Variants in ABHD12 observed in about 807,000 individuals in gnomAD.
ABHD12 encodes lysophosphatidylserine lipase ABHD12.
ABHD12 carries 43 observed loss-of-function variants against 58.3 expected under a neutral mutation model. That is an observed-to-expected ratio of 0.74 (90% CI 0.58 to 0.95). ABHD12 has a LOEUF of 0.95. Among genes scored for constraint, ABHD12 ranks in the 40% least tolerant of loss-of-function variants. ABHD12 has a pLI of 0.00. For synonymous variants in ABHD12, 219 were observed against 211.2 expected, an observed-to-expected ratio of 1.04 and a Z score of -0.32; for missense variants, 539 against 537.2, an observed-to-expected ratio of 1.00 and a Z score of -0.03.
intron 2 of ABHD12, among the ~76,000 whole-genome samples, chr20:25,327,442 G>A (rs1484610013): frequency 6.6e-6 from 1 of 151,350 alleles, no homozygotes; most frequent in Non-Finnish European, 1.5e-5. Context: ...ACTTCAGTCC[G>A]GGCGACAGAA....
At chr20:25,362,008 C>T (rs142305787) in intron 1 of ABHD12, among the ~76,000 whole-genome samples, 2,120 of 152,172 alleles carry the variant, frequency 0.014, 14 homozygotes, top group Middle Eastern at 0.02. Flanking sequence ...GGCACGGTGG[C>T]TCATGCCTGT....
chr20:25,331,872 C>T lies in ABHD12; in HGVS notation c.316+7355G>A, dbSNP rs111528792. On this transcript the variant is annotated intron_variant, in intron 2 of 12. Coordinates refer to ENST00000339157, the MANE Select transcript of ABHD12 (RefSeq NM_001042472.3). The stretch of plus-strand genomic sequence containing the variant: ...AATCATGCCAAAATGTAAAGACCAT[C>T]GAGACTAGGAAGAAACTGCATCAAC... Among the ~76,000 whole-genome samples, 5 of 152,076 alleles carry T rather than the reference C, an allele frequency of 3.3e-5. No homozygotes were observed. The South Asian group carries it at 6.3e-4, about 19-fold the overall frequency.
intron 1 of ABHD12, among the ~76,000 whole-genome samples, chr20:25,358,003 C>T (rs924109604): frequency 6.6e-6 from 1 of 151,912 alleles, no homozygotes; most frequent in African/African-American, 2.4e-5. Context: ...AGAGTGAGAC[C>T]CTGTCTCAAA....
At chr20:25,375,352 T>C (rs1341278652) in intron 1 of ABHD12, among the ~76,000 whole-genome samples, 1 of 152,250 alleles carries the variant, frequency 6.6e-6, no homozygotes, top group East Asian at 1.9e-4. Context: ...GTTCTACCAG[T>C]AAATTATAAT....
At chr20:25,353,887 CTGCTGCGTGATCACTAACG>C (rs2089634445) in intron 1 of ABHD12, among the ~76,000 whole-genome samples, 1 of 152,174 alleles carries the variant, frequency 6.6e-6, no homozygotes, top group African/African-American at 2.4e-5. Context: ...CAAAGAATGA[CTGCTGCGTGATCACTAACG>C]TGCCACCACC....
intron 2 of ABHD12, among the ~76,000 whole-genome samples, chr20:25,324,365 A>AT (rs1334429004): frequency 6.6e-5 from 10 of 152,262 alleles, no homozygotes; most frequent in Admixed American, 3.3e-4. Flanking sequence ...AATGGGGGCA[A>AT]TTTTTTCCTT....
chr20:25,384,257 T>C (rs2090059685), intron 1 of ABHD12, among the ~76,000 whole-genome samples: 1 of 151,318 alleles, frequency 6.6e-6, no homozygotes, highest in South Asian at 2.1e-4. Flanking sequence ...AGAGTTGACC[T>C]ATGAATGAGA....
At position 25,383,549 on chromosome 20, in the gene ABHD12, G is replaced by A. The variant is rs73904467; in HGVS notation, c.191+6964C>T. Among the ~76,000 whole-genome samples the A allele has an allele frequency of 8.9e-3, 1,357 of 152,266 alleles. 16 individuals are homozygous for A. Among genetic ancestry groups the A allele is most frequent in the African/African-American group, 0.031 (1,269 of 41,536 alleles). ...AAAATCCCTCATTTGGGCTGGGCGCGGTGGCTCACGCCTGTAATCCCAGCA... is the reference window on the plus strand; with the variant it reads ...AAAATCCCTCATTTGGGCTGGGCGCAGTGGCTCACGCCTGTAATCCCAGCA... On this transcript the variant is annotated intron_variant, in intron 1 of 12. Transcript: ENST00000339157.
At chr20:25,337,191 G>A (rs2089385752) in intron 2 of ABHD12, among the ~76,000 whole-genome samples, 1 of 152,210 alleles carries the variant, frequency 6.6e-6, no homozygotes, top group Non-Finnish European at 1.5e-5. Context: ...ACCTGAACCT[G>A]GGAGGTCGAG....
chr20:25,389,485 C>A (rs2049340394), intron 1 of ABHD12, among the ~76,000 whole-genome samples: 1 of 152,270 alleles, frequency 6.6e-6, no homozygotes, highest in African/African-American at 2.4e-5. Context: ...TGCTACAACG[C>A]CTGAGATCAT....
At chr20:25,340,475 G>A (rs2089441013) in intron 1 of ABHD12, among the ~76,000 whole-genome samples, 1 of 152,210 alleles carries the variant, frequency 6.6e-6, no homozygotes, top group African/African-American at 2.4e-5. Context: ...CATGAGAGGA[G>A]TGTGAAAAAA....
At chr20:25,299,671 C>A (rs1197549813), downstream of ABHD12, among the ~76,000 whole-genome samples, 3 of 152,084 alleles carry the variant, frequency 2.0e-5, no homozygotes, top group Non-Finnish European at 4.4e-5. Context: ...GTTCCTATAG[C>A]CTCACAAAGA....
chr20:25,334,635 C>T lies in ABHD12; in HGVS notation c.316+4592G>A, dbSNP rs909224077. The stretch of plus-strand genomic sequence containing the variant: ...TAGATCAATGGAACAGAACAGAGCC[C>T]TCAGAAATAACACCGCATATCTGCA... On this transcript the variant is annotated intron_variant, in intron 2 of 12. Coordinates refer to ENST00000339157, the MANE Select transcript of ABHD12 (RefSeq NM_001042472.3). 1.7e-3 allele frequency among the ~76,000 whole-genome samples: 265 copies of T among 151,946 alleles called. 1 individual carries two copies. The highest frequency in any genetic ancestry group is 6.2e-3 in the African/African-American group (257 of 41,438).
downstream of ABHD12, chr20:25,300,089 G>A (rs1296075920): frequency 1.4e-6 from 1 of 713,126 alleles, no homozygotes; most frequent in African/African-American, 1.9e-5. Context: ...GCTGGGACTA[G>A]AAAATTTCAT....
intron 1 of ABHD12, among the ~76,000 whole-genome samples, chr20:25,367,226 T>G (rs754847971): frequency 4.6e-5 from 7 of 152,172 alleles, no homozygotes; most frequent in Non-Finnish European, 8.8e-5. Flanking sequence ...AGTGTGTCCA[T>G]ACACTGAGAT....
At chr20:25,351,045 C>T (rs2089594443) in intron 1 of ABHD12, among the ~76,000 whole-genome samples, 1 of 151,236 alleles carries the variant, frequency 6.6e-6, no homozygotes, top group Admixed American at 6.6e-5. Context: ...TTCACCTCTT[C>T]TTCAGAGAGC....
At chr20:25,323,917 C>T (rs558405898) in intron 2 of ABHD12, among the ~76,000 whole-genome samples, 5 of 152,300 alleles carry the variant, frequency 3.3e-5, no homozygotes, top group South Asian at 2.1e-4. Context: ...TGATGACCAA[C>T]GGAACGTTGG....
At chr20:25,296,485 A>T, downstream of ABHD12, 1 of 1,613,718 alleles carries the variant, frequency 6.2e-7, no homozygotes. Context: ...GAGCCCTCCG[A>T]CCTGCAGATC....
intron 6 of ABHD12, chr20:25,310,390 T>G (rs1439309611): frequency 6.6e-6 from 1 of 152,106 alleles, no homozygotes; most frequent in Non-Finnish European, 1.5e-5. Context: ...CCCCCAAAAT[T>G]ACAACCTCCC....
Sources: gnomAD v4.1 joint callset for allele counts (sites outside exome capture counted in the v4.1 genomes callset) on GRCh38, gnomAD v4.1.1 for gene constraint, MANE v1.5 for transcripts, NCBI Gene and HGNC (gene_info 2026-07-23, HGNC 2026-07-21) for gene names.